RGS7: variants seen among roughly 807,000 people sequenced by gnomAD.
RGS7 encodes the protein regulator of G protein signaling 7.
A neutral mutation model predicts 81.1 loss-of-function variants in RGS7; 27 were observed. The ratio of observed to expected loss-of-function variants is 0.33; its 90% CI spans 0.25 to 0.46. The LOEUF (loss-of-function observed/expected upper bound fraction) is 0.46, where lower values mean the gene tolerates loss of function less well. Among genes scored for constraint, RGS7 ranks in the 20% least tolerant of loss-of-function variants. The pLI is 1.00. For synonymous variants in RGS7, 208 were observed against 207.7 expected (o/e 1.00, Z -0.01); for missense variants, 396 against 607.4 (o/e 0.65, Z 3.66).
intron 4 of RGS7, among the ~76,000 whole-genome samples, chr1:240,951,360 T>C (rs1572927671): frequency 6.6e-6 from 1 of 152,096 alleles, no homozygotes. Flanking sequence ...TAAATTGTAA[T>C]TAATATGTTA....
intron 2 of RGS7, among the ~76,000 whole-genome samples, chr1:241,192,211 G>A (rs141766508): frequency 0.014 from 930 of 66,710 alleles, 12 homozygotes; most frequent in African/African-American, 0.055. Flanking sequence ...TGTGTGTTTT[G>A]CTTTGATTTT....
chr1:241,166,060 T>C (rs936792717), intron 2 of RGS7, among the ~76,000 whole-genome samples: 5 of 152,164 alleles, frequency 3.3e-5, no homozygotes, highest in Non-Finnish European at 7.3e-5. Flanking sequence ...AGCTCATGTC[T>C]GAGAAGCTCA....
At chr1:240,936,023 C>A (rs2148373181) in intron 5 of RGS7, among the ~76,000 whole-genome samples, 1 of 152,294 alleles carries the variant, frequency 6.6e-6, no homozygotes, top group South Asian at 2.1e-4. Context: ...TCAGAGTCCA[C>A]AATCATTGCC....
intron 2 of RGS7, among the ~76,000 whole-genome samples, chr1:241,337,719 C>T (rs776859566): frequency 2.1e-4 from 32 of 152,190 alleles, no homozygotes; most frequent in Non-Finnish European, 3.4e-4. Flanking sequence ...CCTGTCACTG[C>T]TCCTCCACCT....
intron 2 of RGS7, among the ~76,000 whole-genome samples, chr1:241,157,418 CAT>C (rs1217872156): frequency 6.6e-6 from 1 of 152,212 alleles, no homozygotes; most frequent in Non-Finnish European, 1.5e-5. Flanking sequence ...CTCCATGACT[CAT>C]AGTGTGTTCC....
intron 2 of RGS7, among the ~76,000 whole-genome samples, chr1:241,324,499 T>C (rs145822191): frequency 1.2e-4 from 18 of 152,348 alleles, no homozygotes; most frequent in African/African-American, 4.3e-4. Flanking sequence ...GGCCTCATCA[T>C]TGAACTTTCT....
At chr1:240,875,448 G>A (rs930927244) in intron 6 of RGS7, among the ~76,000 whole-genome samples, 1 of 152,152 alleles carries the variant, frequency 6.6e-6, no homozygotes, top group Admixed American at 6.5e-5. Flanking sequence ...GGACACTTAG[G>A]TTGATTCTGT....
intron 3 of RGS7, among the ~76,000 whole-genome samples, chr1:241,032,326 T>G (rs188378136): frequency 3.9e-4 from 60 of 152,278 alleles, no homozygotes; most frequent in African/African-American, 1.3e-3. Context: ...TCTGTTCCAT[T>G]GACCTATGTG....
rs1553268796 is a variant in RGS7 at position 241,147,780 on chromosome 1, T to TTACATA, written c.79-49019_79-49018insTATGTA. ...TTAAATATCCCATCTAGATTAAGTTTTATATATATATATATATATATATAT... is the reference window on the plus strand; with the variant it reads ...TTAAATATCCCATCTAGATTAAGTTTTACATATATATATATATATATATATATATAT... On this transcript the variant is annotated intron_variant, in intron 2 of 18. Coordinates refer to ENST00000440928, the MANE Select transcript of RGS7 (RefSeq NM_001364886.1). Among the ~76,000 whole-genome samples the TTACATA allele has an allele frequency of 5.8e-3, 259 of 44,636 alleles. 12 individuals carry two copies. Among genetic ancestry groups the TTACATA allele is most frequent in the East Asian group, 0.024 (29 of 1,224 alleles). The allele number at this position is 44,636 out of a possible 152,430, so 29.3% of individuals were successfully genotyped here. A position where few individuals can be genotyped will look rare whatever the true frequency, so the allele number is the denominator to read the frequency against.
chr1:240,919,290 G>A (rs1466864912), intron 6 of RGS7, among the ~76,000 whole-genome samples: 21 of 151,960 alleles, frequency 1.4e-4, no homozygotes, highest in African/African-American at 5.1e-4. Flanking sequence ...GAAGACTACA[G>A]ACCAATACTT....
intron 6 of RGS7, chr1:240,919,872 A>G: frequency 1.1e-6 from 1 of 905,932 alleles, no homozygotes; most frequent in Non-Finnish European, 1.8e-6. Context: ...CATGAATGGA[A>G]GGCCACACAA....
At chr1:241,250,872 T>C (rs186445265) in intron 2 of RGS7, among the ~76,000 whole-genome samples, 88 of 152,344 alleles carry the variant, frequency 5.8e-4, no homozygotes, top group Non-Finnish European at 8.8e-4. Context: ...CTCCGAATAG[T>C]GAGTGGTTCT....
intron 2 of RGS7, among the ~76,000 whole-genome samples, chr1:241,140,105 A>G (rs1048584314): frequency 1.3e-5 from 2 of 152,076 alleles, no homozygotes; most frequent in Admixed American, 6.6e-5. Context: ...CTGACTTTGT[A>G]CCAGGATCCC....
chr1:241,065,179 G>C (rs1459955117), intron 3 of RGS7, among the ~76,000 whole-genome samples: 3 of 145,944 alleles, frequency 2.1e-5, no homozygotes, highest in Admixed American at 7.0e-5. Context: ...ATAATGATAA[G>C]ATAATCAGAT....
intron 2 of RGS7, among the ~76,000 whole-genome samples, chr1:241,342,301 GC>G (rs1223108652): frequency 6.6e-6 from 1 of 152,114 alleles, no homozygotes; most frequent in Non-Finnish European, 1.5e-5. Flanking sequence ...AGGCCCATCA[GC>G]ACACCAGCAG....
At chr1:241,204,893 T>A (rs756426358) in intron 2 of RGS7, among the ~76,000 whole-genome samples, 5 of 152,120 alleles carry the variant, frequency 3.3e-5, no homozygotes, top group African/African-American at 4.8e-5. Context: ...TATTAGAACA[T>A]CTTGCTATCA....
intron 2 of RGS7, among the ~76,000 whole-genome samples, chr1:241,106,752 C>CCA (rs778017157): frequency 0.027 from 3,236 of 121,562 alleles, 69 homozygotes; most frequent in East Asian, 0.042. Context: ...AACACCACCA[C>CCA]CACACACACA....
chr1:240,813,775 T>A (rs1423381003), intron 12 of RGS7, 47 bp from the exon 13 acceptor site: 5 of 1,199,134 alleles, frequency 4.2e-6, no homozygotes, highest in Non-Finnish European at 6.2e-6. Context: ...CTGACTGGGG[T>A]TGCAGCCAGT....
At chr1:241,036,713 T>C (rs879592887) in intron 3 of RGS7, among the ~76,000 whole-genome samples, 2 of 152,234 alleles carry the variant, frequency 1.3e-5, no homozygotes, top group Non-Finnish European at 2.9e-5. Context: ...CTAAGTATGT[T>C]GTAGTAGAGA....
Sources: gnomAD v4.1 joint callset for allele counts (sites outside exome capture counted in the v4.1 genomes callset) on GRCh38, gnomAD v4.1.1 for gene constraint, MANE v1.5 for transcripts, NCBI Gene and HGNC (gene_info 2026-07-23, HGNC 2026-07-21) for gene names.